Variants in CAMK2B observed in about 807,000 individuals in gnomAD.
The protein encoded by CAMK2B is calcium/calmodulin-dependent protein kinase type II subunit beta.
In CAMK2B, 27 loss-of-function variants were observed where a neutral mutation model predicts 93.7. The observed-to-expected ratio is 0.29, with a 90% CI of 0.21 to 0.40. The LOEUF is 0.40. CAMK2B is among the 10% of genes least tolerant of loss of function. The probability of loss-of-function intolerance (pLI) is 1.00; values close to 1 mark genes in which losing one functional copy is unlikely to be tolerated. For missense variants in CAMK2B, 568 were observed against 895.8 expected, an observed-to-expected ratio of 0.63 and a Z score of 4.67; for synonymous variants, 374 against 358.8, an observed-to-expected ratio of 1.04 and a Z score of -0.48.
chr7:44,258,985 G>T, intron 3 of CAMK2B, 59 bp from the exon 4 acceptor site: 1 of 1,451,730 alleles, frequency 6.9e-7, no homozygotes, highest in Non-Finnish European at 9.6e-7. Flanking sequence ...CCTCCTGCCT[G>T]CCTCCGTACC....
intron 6 of CAMK2B, 45 bp downstream of exon 6, chr7:44,247,075 G>A (rs369714749): frequency 1.3e-5 from 20 of 1,489,554 alleles, no homozygotes; most frequent in African/African-American, 2.8e-5. Context: ...ACAGCATGCA[G>A]GTACAGACAA....
intron 5 of CAMK2B, among the ~76,000 whole-genome samples, chr7:44,247,897 G>A (rs1327347239): frequency 1.3e-5 from 2 of 152,162 alleles, no homozygotes; most frequent in African/African-American, 2.4e-5. Flanking sequence ...GTGTGGTGGT[G>A]GGCGGCTGTA....
chr7:44,295,646 G>A (rs981133375), intron 1 of CAMK2B, among the ~76,000 whole-genome samples: 3 of 152,184 alleles, frequency 2.0e-5, no homozygotes, highest in East Asian at 3.8e-4. Context: ...TTCTCACAGC[G>A]AAGACTGGAG....
Position 44,228,825 on chromosome 7 carries a change from G to C in CAMK2B, c.1439C>G (p.Pro480Arg). 3 of 1,540,588 alleles carry C rather than the reference G, an allele frequency of 1.9e-6. No homozygotes were observed. Among genetic ancestry groups the C allele is most frequent in the Non-Finnish European group, 2.6e-6 (3 of 1,148,258 alleles). ...GGAGGACAGGGGGCCTAGGAGAGCC[G>C]GAGACAGGCAGGGCGGGGGCCCCGC... is the stretch of plus-strand genomic sequence containing the variant. ...LSAGPPPCLS[P>R]ALLGPLSSPS... The change falls in exon 19 of 24, where the codon CCG (proline) becomes CGG (arginine). Residue 480 changes from proline (P) to arginine (R), a missense_variant. Pro to Arg is a moderately radical substitution (Grantham distance 103). Transcript: ENST00000395749.
At chr7:44,282,019 A>G (rs557138875) in intron 2 of CAMK2B, among the ~76,000 whole-genome samples, 16 of 152,262 alleles carry the variant, frequency 1.1e-4, no homozygotes, top group African/African-American at 3.4e-4. Context: ...CCCATTCCAG[A>G]GGCTCTACCA....
intron 1 of CAMK2B, among the ~76,000 whole-genome samples, chr7:44,306,789 T>G (rs1213164850): frequency 6.4e-4 from 42 of 65,502 alleles, no homozygotes; most frequent in South Asian, 1.2e-3. Context: ...GGGAGGAGGG[T>G]GTGGGCAGGG....
At position 44,271,131 on chromosome 7, in the gene CAMK2B, C is replaced by G. The variant is rs1034217387; in HGVS notation, c.161-8067G>C. Among the ~76,000 whole-genome samples the G allele has an allele frequency of 6.6e-6, 1 of 152,116 alleles. No individual in the cohort carries two copies. Among genetic ancestry groups the G allele is most frequent in the Non-Finnish European group, 1.5e-5 (1 of 68,026 alleles). ...ACAGGGTTTCACCATGTCGGCCAGGCTGGTCTTGAACTCCTGACCTCAGTT... is the reference window on the plus strand; with the variant it reads ...ACAGGGTTTCACCATGTCGGCCAGGGTGGTCTTGAACTCCTGACCTCAGTT... On this transcript the variant is annotated intron_variant, in intron 2 of 23. Coordinates refer to ENST00000395749, the MANE Select transcript of CAMK2B (RefSeq NM_001220.5). This position sits in a 1 kb window ranked among gnomAD's most constrained non-coding sequence, Gnocchi z 4.2.
intron 1 of CAMK2B, among the ~76,000 whole-genome samples, chr7:44,324,870 G>A (rs1026616368): frequency 2.6e-5 from 4 of 152,044 alleles, no homozygotes; most frequent in Non-Finnish European, 4.4e-5. Flanking sequence ...CCACGCGCAG[G>A]AGCAGGCGCA....
chr7:44,260,853 C>T (rs548398179), intron 3 of CAMK2B, among the ~76,000 whole-genome samples: 5 of 152,274 alleles, frequency 3.3e-5, no homozygotes, highest in African/African-American at 1.2e-4. Flanking sequence ...CCCACCAAGC[C>T]CCATTCTCAA....
intron 1 of CAMK2B, among the ~76,000 whole-genome samples, chr7:44,293,020 T>G (rs1725455710): frequency 6.6e-6 from 1 of 152,154 alleles, no homozygotes; most frequent in Admixed American, 6.5e-5. Flanking sequence ...CAGAGCACCC[T>G]CTGCTTTCTG....
chr7:44,253,508 C>A (rs183802271), intron 5 of CAMK2B, among the ~76,000 whole-genome samples: 1 of 152,184 alleles, frequency 6.6e-6, no homozygotes, highest in South Asian at 2.1e-4. Flanking sequence ...CCACCACGCA[C>A]GGCCTAAAAA....
chr7:44,223,956 G>A (rs1048027583), intron 20 of CAMK2B, among the ~76,000 whole-genome samples: 4 of 152,242 alleles, frequency 2.6e-5, no homozygotes, highest in African/African-American at 4.8e-5. Flanking sequence ...ATGACATTAT[G>A]TCATTTGGTT....
intron 1 of CAMK2B, among the ~76,000 whole-genome samples, chr7:44,297,112 A>G (rs1788519895): frequency 6.6e-6 from 1 of 152,220 alleles, no homozygotes; most frequent in Non-Finnish European, 1.5e-5. Context: ...TGGATAAGTG[A>G]AAGAAAGCAA....
At chr7:44,279,359 C>G (rs1456078920) in intron 2 of CAMK2B, among the ~76,000 whole-genome samples, 1 of 152,208 alleles carries the variant, frequency 6.6e-6, no homozygotes, top group Non-Finnish European at 1.5e-5. Context: ...AAGAAAATGG[C>G]AGGGTGAGGC....
At chr7:44,274,494 G>A (rs898150236) in intron 2 of CAMK2B, among the ~76,000 whole-genome samples, 9 of 152,170 alleles carry the variant, frequency 5.9e-5, no homozygotes, top group African/African-American at 1.4e-4. Flanking sequence ...CCTCAAACCC[G>A]CACCTTTCGG....
At chr7:44,322,085 G>C (rs1796235136) in intron 1 of CAMK2B, among the ~76,000 whole-genome samples, 1 of 152,270 alleles carries the variant, frequency 6.6e-6, no homozygotes, top group Non-Finnish European at 1.5e-5. Context: ...GAACACAGGA[G>C]ACAACCTAGA....
At chr7:44,244,589 G>A (rs1017101401) in intron 6 of CAMK2B, among the ~76,000 whole-genome samples, 6 of 151,938 alleles carry the variant, frequency 3.9e-5, no homozygotes, top group African/African-American at 9.7e-5. Flanking sequence ...CACTACCCTC[G>A]GGATCACACT....
Position 44,271,666 on chromosome 7 carries a change from G to T in CAMK2B, c.161-8602C>A, listed in dbSNP as rs2129058060. ...ATTGGGCAGCTGGGTGGGGACGAAG[G>T]AGTGGCTTCCAGCAGCCCCTCTCCT... On this transcript the variant is annotated intron_variant, in intron 2 of 23. Coordinates refer to ENST00000395749, the MANE Select transcript of CAMK2B (RefSeq NM_001220.5). The surrounding 1 kb of genome is among the most constrained non-coding windows in gnomAD (Gnocchi z 4.2). Among the ~76,000 whole-genome samples, 2 of 152,340 alleles carry T rather than the reference G, an allele frequency of 1.3e-5. No individual in the cohort carries two copies. The highest frequency in any genetic ancestry group is 3.9e-4 in the East Asian group (2 of 5,190).
At chr7:44,285,672 T>G (rs1784845504) in intron 1 of CAMK2B, among the ~76,000 whole-genome samples, 1 of 151,976 alleles carries the variant, frequency 6.6e-6, no homozygotes, top group South Asian at 2.1e-4. Context: ...AACATTTTCT[T>G]AACGACTCAG....
Sources: allele counts gnomAD v4.1 joint callset (sites outside exome capture counted in the v4.1 genomes callset), GRCh38; gene constraint gnomAD v4.1.1; non-coding constraint Gnocchi (gnomAD v3.1); transcripts MANE v1.5; gene names NCBI Gene and HGNC (gene_info 2026-07-23, HGNC 2026-07-21).